Variants in OPRD1 observed in about 807,000 individuals in gnomAD.
OPRD1 encodes opioid receptor delta 1, also known as delta-type opioid receptor.
Under a neutral mutation model 17.5 loss-of-function variants are expected in OPRD1, and 19 were observed. The observed-to-expected ratio is 1.09, with a 90% CI of 0.76 to 1.60. The LOEUF (loss-of-function observed/expected upper bound fraction) is 1.60, where lower values mean the gene tolerates loss of function less well. OPRD1 is among the 40% of genes most tolerant of loss of function. The probability of loss-of-function intolerance (pLI) is 0.00; values close to 1 mark genes in which losing one functional copy is unlikely to be tolerated. For missense variants in OPRD1, 483 were observed against 547.2 expected, an observed-to-expected ratio of 0.88 and a Z score of 1.17; for synonymous variants, 256 against 240.9, an observed-to-expected ratio of 1.06 and a Z score of -0.58.
At chr1:28,817,371 G>T (rs1383135623) in intron 1 of OPRD1, among the ~76,000 whole-genome samples, 1 of 152,200 alleles carries the variant, frequency 6.6e-6, no homozygotes, top group Admixed American at 6.5e-5. Context: ...AGGGAGGGGA[G>T]TTGGGCCAGG....
chr1:28,846,901 CTTTCTTTTTCTT>C (rs2088957328), intron 1 of OPRD1, among the ~76,000 whole-genome samples: 1 of 136,298 alleles, frequency 7.3e-6, no homozygotes, highest in Non-Finnish European at 1.6e-5. Context: ...TTTTCTCTTT[CTTTCTTTTTCTT>C]TCTTTCTTTC....
intron 1 of OPRD1, among the ~76,000 whole-genome samples, chr1:28,819,147 G>C (rs964055608): frequency 2.6e-5 from 4 of 152,060 alleles, no homozygotes; most frequent in African/African-American, 9.7e-5. Flanking sequence ...GTGCTCAGCT[G>C]TCCCCTTTCT....
At chr1:28,837,803 G>A (rs1418945225) in intron 1 of OPRD1, among the ~76,000 whole-genome samples, 2 of 149,316 alleles carry the variant, frequency 1.3e-5, no homozygotes, top group Non-Finnish European at 1.5e-5. Flanking sequence ...TTACAGGTGT[G>A]AGCCATGACA....
chr1:28,856,147 G>T (rs573598328), intron 1 of OPRD1, among the ~76,000 whole-genome samples: 9 of 152,198 alleles, frequency 5.9e-5, no homozygotes, highest in Non-Finnish European at 1.0e-4. Flanking sequence ...AAGAGGGAGC[G>T]TGGGAGTCAG....
At chr1:28,823,415 G>T (rs145364167) in intron 1 of OPRD1, among the ~76,000 whole-genome samples, 2 of 95,074 alleles carry the variant, frequency 2.1e-5, no homozygotes, top group Admixed American at 1.1e-4. Context: ...TTATTTATTT[G>T]AGACGGAGTC....
At chr1:28,836,343 G>A (rs756614253) in intron 1 of OPRD1, among the ~76,000 whole-genome samples, 4 of 151,894 alleles carry the variant, frequency 2.6e-5, no homozygotes, top group Admixed American at 1.3e-4. Context: ...GTGATACCCC[G>A]TCTCCACTAA....
intron 1 of OPRD1, among the ~76,000 whole-genome samples, chr1:28,816,437 G>A (rs962049951): frequency 6.6e-6 from 1 of 152,116 alleles, no homozygotes; most frequent in African/African-American, 2.4e-5. Context: ...TGCTGATGAG[G>A]GCCTGAACGT....
chr1:28,840,089 G>A (rs992733570), intron 1 of OPRD1, among the ~76,000 whole-genome samples: 1 of 152,156 alleles, frequency 6.6e-6, no homozygotes, highest in African/African-American at 2.4e-5. Flanking sequence ...CAGCATGAAG[G>A]GGACACAGTT....
chr1:28,845,621 A>T (rs1044291233), intron 1 of OPRD1, among the ~76,000 whole-genome samples: 1 of 152,090 alleles, frequency 6.6e-6, no homozygotes, highest in Non-Finnish European at 1.5e-5. Flanking sequence ...AAAGAAAAAC[A>T]AACAAATAAA....
intron 1 of OPRD1, among the ~76,000 whole-genome samples, chr1:28,854,335 T>G (rs2089035354): frequency 6.6e-6 from 1 of 152,008 alleles, no homozygotes; most frequent in Non-Finnish European, 1.5e-5. Context: ...CAAGTGTTCC[T>G]CCTTCCTCTG....
At chr1:28,818,420 G>A (rs530167770) in intron 1 of OPRD1, among the ~76,000 whole-genome samples, 1 of 152,280 alleles carries the variant, frequency 6.6e-6, no homozygotes. Context: ...GGAACTATGG[G>A]AGTCCAGGGA....
At chr1:28,822,346 G>A (rs1010923156) in intron 1 of OPRD1, among the ~76,000 whole-genome samples, 3 of 152,110 alleles carry the variant, frequency 2.0e-5, no homozygotes, top group Admixed American at 6.6e-5. Flanking sequence ...ACTGAAGTGC[G>A]CAAGTAGACA....
chr1:28,841,891 T>A (rs2088899572), intron 1 of OPRD1, among the ~76,000 whole-genome samples: 1 of 150,548 alleles, frequency 6.6e-6, no homozygotes, highest in South Asian at 2.1e-4. Context: ...TTTTTTTTTT[T>A]TTTTGTATTT....
At chr1:28,834,416 T>C (rs1304495082) in intron 1 of OPRD1, among the ~76,000 whole-genome samples, 4 of 150,058 alleles carry the variant, frequency 2.7e-5, no homozygotes, top group Non-Finnish European at 5.9e-5. Context: ...AGTCTTGCTC[T>C]GTCATCCAGG....
At chr1:28,833,768 C>T (rs2088826662) in intron 1 of OPRD1, among the ~76,000 whole-genome samples, 2 of 152,168 alleles carry the variant, frequency 1.3e-5, no homozygotes, top group African/African-American at 4.8e-5. Context: ...GCAAGTTTCC[C>T]TGACTCTCTG....
intron 1 of OPRD1, among the ~76,000 whole-genome samples, chr1:28,849,875 CTTTTTTT>C (rs34907861): frequency 2.5e-5 from 3 of 118,102 alleles, no homozygotes; most frequent in Non-Finnish European, 5.2e-5. Flanking sequence ...GAGAGTCAAA[CTTTTTTT>C]TTTTTTTTTT....
chr1:28,823,387 G>GTTTATTTA (rs3079037), intron 1 of OPRD1, among the ~76,000 whole-genome samples: 13 of 140,918 alleles, frequency 9.2e-5, no homozygotes, highest in African/African-American at 2.5e-4. Context: ...TTATTTGTTT[G>GTTTATTTA]TTTATTTATT....
intron 1 of OPRD1, among the ~76,000 whole-genome samples, chr1:28,823,454 T>C (rs2088733772): frequency 6.6e-6 from 1 of 152,008 alleles, no homozygotes; most frequent in Non-Finnish European, 1.5e-5. Flanking sequence ...TGGAGTGCAA[T>C]GGCATGATCT....
chr1:28,843,494 G>A (rs908574785), intron 1 of OPRD1, among the ~76,000 whole-genome samples: 3 of 152,092 alleles, frequency 2.0e-5, no homozygotes, highest in Non-Finnish European at 2.9e-5. Context: ...CTATGACTGT[G>A]ACTACTCTAG....
Sources: allele counts gnomAD v4.1 joint callset (sites outside exome capture counted in the v4.1 genomes callset), GRCh38; gene constraint gnomAD v4.1.1; transcripts MANE v1.5; gene names NCBI Gene and HGNC (gene_info 2026-07-23, HGNC 2026-07-21).